Variants in ZNF655 observed in about 807,000 individuals in gnomAD.
ZNF655 encodes the protein zinc finger protein 655.
ZNF655 carries 3 observed loss-of-function variants against 6.6 expected under a neutral mutation model. That is an observed-to-expected ratio of 0.46 (90% CI 0.21 to 1.18). The LOEUF (loss-of-function observed/expected upper bound fraction) is 1.18. Among genes scored for constraint, ZNF655 ranks in the 50% most tolerant of loss-of-function variants. ZNF655 has a pLI of 0.24. For synonymous variants in ZNF655, 178 were observed against 195.0 expected (o/e 0.91, Z 0.73); for missense variants, 526 against 572.3 (o/e 0.92, Z 0.83).
At chr7:99,564,984 A>C (rs1280678211) in intron 2 of ZNF655, among the ~76,000 whole-genome samples, 1 of 152,196 alleles carries the variant, frequency 6.6e-6, no homozygotes, top group Admixed American at 6.5e-5. Context: ...TGGGTTCAGC[A>C]GACTTCATCT....
Position 99,573,624 on chromosome 7 carries a change from T to C in ZNF655, c.*40T>C, listed in dbSNP as rs1238442645. On this transcript the variant is annotated 3_prime_UTR_variant, in exon 3 of 3. Coordinates refer to ENST00000252713, the MANE Select transcript of ZNF655 (RefSeq NM_138494.3). ...GGAAGATATTTATCAAATTCAGGCT[T>C]CATTCAGCATCTGAGAGTTCACACC... is the stretch of plus-strand genomic sequence containing the variant. 5 of 1,567,196 alleles carry C rather than the reference T, an allele frequency of 3.2e-6. No individual in the cohort carries two copies. The highest frequency in any genetic ancestry group is 4.3e-6 in the Non-Finnish European group (5 of 1,163,876).
intron 1 of ZNF655, among the ~76,000 whole-genome samples, chr7:99,559,802 T>TC (rs1236604007): frequency 1.3e-5 from 2 of 150,340 alleles, no homozygotes; most frequent in East Asian, 3.9e-4. Flanking sequence ...TTTTTTTTTT[T>TC]TTTTTTGTAG....
At chr7:99,567,892 C>T (rs1803750953) in intron 2 of ZNF655, among the ~76,000 whole-genome samples, 1 of 151,780 alleles carries the variant, frequency 6.6e-6, no homozygotes, top group African/African-American at 2.4e-5. Context: ...AACCCCGTCT[C>T]TACTAAAAAT....
At chr7:99,571,874 G>C (rs1278525427) in intron 2 of ZNF655, 1 of 916,880 alleles carries the variant, frequency 1.1e-6, no homozygotes, top group East Asian at 2.7e-5. Context: ...TTGGCACTCA[G>C]AATGAAGAGC....
rs1370012417 is a variant in ZNF655, at chr7:99,575,076, CCA to C, written c.*1495_*1496del. On this transcript the variant is annotated 3_prime_UTR_variant, in exon 3 of 3. Coordinates refer to ENST00000252713, the MANE Select transcript of ZNF655 (RefSeq NM_138494.3). ...AAGGTTTTAGCTGTCTTGTGTGCAT[CCA>C]CAGTCTGCGAAGAAGACATGATAAG... The C allele has an allele frequency of 2.6e-5, 4 of 152,602 alleles. No individual in the cohort carries two copies. Among genetic ancestry groups the C allele is most frequent in the East Asian group, 3.8e-4 (2 of 5,196 alleles). The allele number at this position is 152,602 out of a possible 1,614,324, so 9.5% of individuals were successfully genotyped here.
At position 99,572,455 on chromosome 7, in the gene ZNF655, TAACAATC is replaced by T. The variant is rs767465427; in HGVS notation, c.349_355del (p.Thr117AlafsTer46). 1 of 1,613,734 alleles carries T rather than the reference TAACAATC, an allele frequency of 6.2e-7. No individual in the cohort carries two copies. The highest frequency in any genetic ancestry group is 1.1e-5 in the South Asian group (1 of 91,022). On this transcript the variant is annotated frameshift_variant, in exon 3 of 3. Transcript: ENST00000252713. LOFTEE classifies it low-confidence loss of function (END_TRUNC). ...TACCTGGAGAGAGAGTTTAGGCAAA[TAACAATC>T]AGCAAGGAAACCTTCACCAGTGAGA...
At chr7:99,568,186 G>A (rs1803777236) in intron 2 of ZNF655, among the ~76,000 whole-genome samples, 1 of 151,750 alleles carries the variant, frequency 6.6e-6, no homozygotes, top group South Asian at 2.1e-4. Flanking sequence ...AATTTCAGGA[G>A]TGTGTTCAAA....
intron 2 of ZNF655, among the ~76,000 whole-genome samples, chr7:99,568,243 T>TA (rs1269634486): frequency 6.6e-6 from 1 of 151,362 alleles, no homozygotes; most frequent in Non-Finnish European, 1.5e-5. Flanking sequence ...TTGTTTGGAC[T>TA]ATTGTCTAGG....
chr7:99,561,408 A>G (rs1008738375), intron 2 of ZNF655, among the ~76,000 whole-genome samples: 6 of 152,194 alleles, frequency 3.9e-5, no homozygotes, highest in Non-Finnish European at 7.3e-5. Flanking sequence ...ACTGTGGAAA[A>G]GATTTCGAGG....
At chr7:99,564,677 C>T (rs1803486175) in intron 2 of ZNF655, 1 of 984,714 alleles carries the variant, frequency 1.0e-6, no homozygotes, top group African/African-American at 1.7e-5. Flanking sequence ...TTAATTTTAT[C>T]TAATAATTAC....
Position 99,575,396 on chromosome 7 carries a change from G to T in ZNF655, c.*1812G>T, listed in dbSNP as rs558846888. On this transcript the variant is annotated 3_prime_UTR_variant, in exon 3 of 3. Transcript: ENST00000252713. ...TACTAAAAATACAAAAGTTAGCCGG[G>T]TGTGGTGGCACGCGCCTGTAATCCC... 1 of 152,364 alleles carries T rather than the reference G, an allele frequency of 6.6e-6. No individual in the cohort carries two copies. Among genetic ancestry groups the T allele is most frequent in the East Asian group, 1.9e-4 (1 of 5,188 alleles). The allele number at this position is 152,364 out of a possible 1,614,324, so 9.4% of individuals were successfully genotyped here.
intron 2 of ZNF655, chr7:99,571,142 C>A: frequency 1.1e-6 from 1 of 930,454 alleles, no homozygotes; most frequent in South Asian, 1.6e-5. Flanking sequence ...TGCTACACTC[C>A]TAATGGGTAA....
chr7:99,565,969 T>TACAC (rs34118812), intron 2 of ZNF655, among the ~76,000 whole-genome samples: 2,945 of 151,008 alleles, frequency 0.02, 104 homozygotes, highest in African/African-American at 0.068. Flanking sequence ...TATGTATGTA[T>TACAC]ACACACACAC....
At position 99,573,568 on chromosome 7, in the gene ZNF655, C is replaced by T. The variant is rs749369499; in HGVS notation, c.1460C>T (p.Thr487Ile). 1 of 1,601,010 alleles carries T rather than the reference C, an allele frequency of 6.2e-7. No homozygotes were observed. Among genetic ancestry groups the T allele is most frequent in the Non-Finnish European group, 8.5e-7 (1 of 1,177,768 alleles). ...CTAGTTCAACATCAGAGCATTCATA[C>T]CAAAGAGAACTCATGAATGTAATGA... ...AHLVQHQSIH[T>I]KENS The change falls in exon 3 of 3, where the codon ACC (threonine) becomes ATC (isoleucine). Residue 487 changes from threonine to isoleucine, a missense_variant. Coordinates refer to ENST00000252713, the MANE Select transcript of ZNF655 (RefSeq NM_138494.3).
chr7:99,572,493 A>G lies in ZNF655; in HGVS notation c.385A>G (p.Asn129Asp), dbSNP rs1297226093. The G allele has an allele frequency of 1.5e-5, 24 of 1,614,052 alleles. No homozygotes were observed. The highest frequency in any genetic ancestry group is 1.9e-5 in the Non-Finnish European group (23 of 1,179,964). ...SKETFTSEKN[N>D]ECHEPEKSFS... Reference sequence around the variant, plus strand: ...GGAAACCTTCACCAGTGAGAAGAACAATGAATGTCATGAACCCGAAAAAAG... The same window carrying G: ...GGAAACCTTCACCAGTGAGAAGAACGATGAATGTCATGAACCCGAAAAAAG... Residue 129 changes from asparagine (N) to aspartate (D), a missense_variant, in exon 3 of 3, where the codon AAT (asparagine) becomes GAT (aspartate). Transcript: ENST00000252713.
At position 99,573,491 on chromosome 7, in the gene ZNF655, G is replaced by C; in HGVS notation, c.1383G>C (p.Gln461His). ...LILQQEVLTR[Q>H]KAFDCDVWEK... ...TGCAACAAGAAGTCCTCACCAGACA[G>C]AAAGCCTTTGATTGTGATGTATGGG... Residue 461 changes from glutamine to histidine, a missense_variant, in exon 3 of 3, where the codon CAG (glutamine) becomes CAC (histidine). By Grantham distance (24) the Gln-to-His change is conservative. Coordinates refer to ENST00000252713, the MANE Select transcript of ZNF655 (RefSeq NM_138494.3). 6.2e-7 allele frequency: 1 copy of C among 1,613,098 alleles called. No individual in the cohort carries two copies. Among genetic ancestry groups the C allele is most frequent in the Non-Finnish European group, 8.5e-7 (1 of 1,180,008 alleles).
At chr7:99,570,857 T>C (rs772852224) in intron 2 of ZNF655, 1 of 153,870 alleles carries the variant, frequency 6.5e-6, no homozygotes, top group Non-Finnish European at 1.4e-5. Flanking sequence ...TTGATACTAA[T>C]AGTATTAAAA....
intron 1 of ZNF655, 29 bp from the exon 2 acceptor site, chr7:99,560,504 C>T (rs149991397): frequency 2.5e-6 from 4 of 1,580,970 alleles, no homozygotes; most frequent in African/African-American, 2.7e-5. Flanking sequence ...TAACTTATTA[C>T]AGTAATTTCT....
intron 2 of ZNF655, chr7:99,570,727 T>G (rs998952620): frequency 6.6e-6 from 1 of 152,234 alleles, no homozygotes; most frequent in Non-Finnish European, 1.5e-5. Flanking sequence ...GAACAACTAA[T>G]AAATTTTGTA....
Sources: allele counts gnomAD v4.1 joint callset (sites outside exome capture counted in the v4.1 genomes callset), GRCh38; gene constraint gnomAD v4.1.1; transcripts MANE v1.5; gene names NCBI Gene and HGNC (gene_info 2026-07-23, HGNC 2026-07-21).